KIF5A: variants seen among roughly 807,000 people sequenced by gnomAD.
KIF5A encodes the protein kinesin family member 5A, also known as kinesin heavy chain isoform 5A.
KIF5A carries 35 observed loss-of-function variants against 141.3 expected under a neutral mutation model. The observed-to-expected ratio is 0.25, with a 90% CI of 0.19 to 0.33. The LOEUF is 0.33. KIF5A is among the 10% of genes least tolerant of loss of function. The probability of loss-of-function intolerance (pLI) is 1.00; values close to 1 mark genes in which losing one functional copy is unlikely to be tolerated. For missense variants in KIF5A, 861 were observed against 1,314.3 expected, an observed-to-expected ratio of 0.66 and a Z score of 5.33; for synonymous variants, 448 against 500.2, an observed-to-expected ratio of 0.90 and a Z score of 1.39.
rs188746225 is a variant in KIF5A at position 57,573,207 on chromosome 12, A to T, written c.1716+481A>T. Reference sequence around the variant, plus strand: ...CTCTGCCTTAAAAACAAAACAAAACAAAACTAAATTCTAACGGGTGCTGAA... The same window carrying T: ...CTCTGCCTTAAAAACAAAACAAAACTAAACTAAATTCTAACGGGTGCTGAA... On this transcript the variant is annotated intron_variant, in intron 15 of 28. Transcript: ENST00000455537. Among the ~76,000 whole-genome samples the T allele has an allele frequency of 1.3e-4, 20 of 152,198 alleles. No homozygotes were observed. In the East Asian group the frequency reaches 3.5e-3, roughly 27 times the overall value.
At chr12:57,569,875 G>T in intron 11 of KIF5A, 112 bp from the exon 12 acceptor site, 3 of 1,421,374 alleles carry the variant, frequency 2.1e-6, no homozygotes, top group East Asian at 2.4e-5. Context: ...CTCCCAAAAG[G>T]TAGAGGGTCC....
intron 1 of KIF5A, among the ~76,000 whole-genome samples, chr12:57,562,738 G>A (rs944884540): frequency 6.6e-6 from 1 of 152,158 alleles, no homozygotes; most frequent in Non-Finnish European, 1.5e-5. Flanking sequence ...CCATATCAGG[G>A]TACGTGGATC....
chr12:57,563,806 A>G, intron 3 of KIF5A, 113 bp downstream of exon 3: 1 of 980,186 alleles, frequency 1.0e-6, no homozygotes, highest in African/African-American at 1.6e-5. Flanking sequence ...AGGCAGATAG[A>G]TGAGTACAGA....
At chr12:57,579,946 A>G (rs1882544553) in intron 23 of KIF5A, among the ~76,000 whole-genome samples, 1 of 152,236 alleles carries the variant, frequency 6.6e-6, no homozygotes, top group Non-Finnish European at 1.5e-5. Flanking sequence ...GACTCACTAC[A>G]ATTTCCTACC....
chr12:57,577,795 C>T (rs955808812), intron 21 of KIF5A, 22 bp downstream of exon 21: 2 of 1,598,042 alleles, frequency 1.3e-6, no homozygotes, highest in African/African-American at 2.7e-5. Flanking sequence ...CCTTCTGTGC[C>T]AAATTCACAG....
chr12:57,565,117 G>A, intron 6 of KIF5A, 144 bp downstream of exon 6: 1 of 746,386 alleles, frequency 1.3e-6, no homozygotes, highest in South Asian at 1.6e-5. Flanking sequence ...GAGTCTAGGG[G>A]ATCAGAAAAG....
At chr12:57,577,877 G>A (rs554968080) in intron 21 of KIF5A, 104 bp downstream of exon 21, 76 of 1,255,580 alleles carry the variant, frequency 6.1e-5, no homozygotes, top group Non-Finnish European at 7.9e-5. Flanking sequence ...ATTCTGTAGC[G>A]TAATCAAGAC....
At position 57,567,191 on chromosome 12, in the gene KIF5A, A is replaced by G. The variant is rs761592339; in HGVS notation, c.567A>G (p.Ser189=). The G allele has an allele frequency of 4.3e-6, 7 of 1,613,106 alleles. No homozygotes were observed. The African/African-American group carries it at 5.3e-5, about 12-fold the overall frequency. The change falls in exon 7 of 29, where the codon TCA becomes TCG. Residue 189 remains serine (S), a synonymous_variant. Coordinates refer to ENST00000455537, the MANE Select transcript of KIF5A (RefSeq NM_004984.4). The stretch of plus-strand genomic sequence containing the variant: ...TGGATGTGATTGATGAAGGGAAATC[A>G]AATCGTCATGTGGCTGTCACCAGTG... ...EILDVIDEGK[S]NRHVAVTNMN...
rs748864821 is a variant in KIF5A at position 57,550,303 on chromosome 12, A to G, written c.32A>G (p.Lys11Arg). Residue 11 changes from lysine to arginine, a missense_variant, in exon 1 of 29, where the codon AAG becomes AGG. Transcript: ENST00000455537. This position sits in a 1 kb window ranked among gnomAD's most constrained non-coding sequence, Gnocchi z 4.6. The part of the protein sequence containing the change: MAETNNECSI[K>R]VLCRFRPLNQ... ...GAGACCAACAACGAATGTAGCATCA[A>G]GGTGCTCTGCCGATTCCGGCCCCTG... 6.2e-7 allele frequency: 1 copy of G among 1,614,196 alleles called. No individual in the cohort carries two copies.
chr12:57,581,305 A>T, intron 24 of KIF5A, 110 bp from the exon 25 acceptor site: 1 of 1,550,278 alleles, frequency 6.5e-7, no homozygotes, highest in Admixed American at 1.7e-5. Flanking sequence ...AAAAGTAAAA[A>T]AGTGATTATG....
chr12:57,558,931 C>A (rs189115333), intron 1 of KIF5A, among the ~76,000 whole-genome samples: 133 of 152,192 alleles, frequency 8.7e-4, no homozygotes, highest in Non-Finnish European at 1.5e-3. Context: ...CCCATGCCAC[C>A]ACACCTGGCT....
intron 18 of KIF5A, 22 bp downstream of exon 18, chr12:57,576,173 G>A (rs746643192): frequency 6.2e-7 from 1 of 1,612,782 alleles, no homozygotes; most frequent in East Asian, 2.2e-5. Flanking sequence ...AGGTGTCAGG[G>A]ACAATTGGGG....
chr12:57,569,911 T>C lies in KIF5A; in HGVS notation c.1118-76T>C. 3 of 1,529,912 alleles carry C rather than the reference T, an allele frequency of 2.0e-6. No individual in the cohort carries two copies. In the South Asian group the frequency reaches 3.7e-5, roughly 19 times the overall value. The allele number at this position is 1,529,912 out of a possible 1,614,324, so 94.8% of individuals were successfully genotyped here. On this transcript the variant is annotated intron_variant, in intron 11 of 28. Transcript: ENST00000455537. ...ACCTGGCAAGAGAGTTCAAGGGGCA[T>C]GGTGAGTGAGAAGGAAGAACTCGTG...
At chr12:57,566,869 G>A (rs1359474780) in intron 6 of KIF5A, among the ~76,000 whole-genome samples, 1 of 151,496 alleles carries the variant, frequency 6.6e-6, no homozygotes, top group Non-Finnish European at 1.5e-5. Flanking sequence ...GTGAAACCCC[G>A]TCTCTACTAA....
At chr12:57,554,724 C>A (rs1881679874) in intron 1 of KIF5A, among the ~76,000 whole-genome samples, 1 of 152,144 alleles carries the variant, frequency 6.6e-6, no homozygotes. Context: ...CCTCAGGAAG[C>A]TTCCAGTCAT....
At position 57,552,653 on chromosome 12, in the gene KIF5A, C is replaced by T. The variant is rs117698838; in HGVS notation, c.129+2253C>T. 3.2e-3 allele frequency among the ~76,000 whole-genome samples: 490 copies of T among 152,260 alleles called. 19 individuals are homozygous for T. In the East Asian group the frequency reaches 0.073, roughly 23 times the overall value. ...TGATTTTTAGGAGACCCTTGAGGGTCCCAACAAGGGAAGGAAATTCCTACT... is the reference window on the plus strand; with the variant it reads ...TGATTTTTAGGAGACCCTTGAGGGTTCCAACAAGGGAAGGAAATTCCTACT... On this transcript the variant is annotated intron_variant, in intron 1 of 28. Coordinates refer to ENST00000455537, the MANE Select transcript of KIF5A (RefSeq NM_004984.4).
intron 8 of KIF5A, among the ~76,000 whole-genome samples, 185 bp downstream of exon 8, chr12:57,567,803 G>T (rs1265082070): frequency 6.6e-6 from 1 of 151,808 alleles, no homozygotes; most frequent in East Asian, 1.9e-4. Flanking sequence ...TGGGATTACA[G>T]GTGCCCACCA....
intron 12 of KIF5A, among the ~76,000 whole-genome samples, chr12:57,570,625 TCCGCCCGCCTCGGC>T (rs761419357): frequency 2.0e-5 from 3 of 152,294 alleles, no homozygotes; most frequent in Non-Finnish European, 4.4e-5. Context: ...CCTCTGGCGA[TCCGCCCGCCTCGGC>T]CCCCTGAAGT....
chr12:57,563,594 T>C (rs1881976554), intron 2 of KIF5A, 26 bp from the exon 3 acceptor site: 1 of 1,612,714 alleles, frequency 6.2e-7, no homozygotes, highest in African/African-American at 1.3e-5. Flanking sequence ...TCTCCACCAG[T>C]ACTCTTTCTC....
Sources: gnomAD v4.1 joint callset for allele counts (sites outside exome capture counted in the v4.1 genomes callset) on GRCh38, gnomAD v4.1.1 for gene constraint, Gnocchi (gnomAD v3.1) non-coding constraint, MANE v1.5 for transcripts, NCBI Gene and HGNC (gene_info 2026-07-23, HGNC 2026-07-21) for gene names.